C5orf15: variants seen among roughly 807,000 people sequenced by gnomAD.
The protein encoded by C5orf15 is keratinocyte-associated transmembrane protein 2.
Under a neutral mutation model 17.8 loss-of-function variants are expected in C5orf15, and 10 were observed. That is an observed-to-expected ratio of 0.56 (90% CI 0.35 to 0.95). The LOEUF (loss-of-function observed/expected upper bound fraction) is 0.95. Ranked by LOEUF, C5orf15 falls within the 40% of genes least tolerant of loss-of-function variation. C5orf15 has a pLI of 0.02. For synonymous variants in C5orf15, 124 were observed against 131.0 expected, an observed-to-expected ratio of 0.95 and a Z score of 0.36; for missense variants, 319 against 331.7, an observed-to-expected ratio of 0.96 and a Z score of 0.30.
intron 1 of C5orf15, among the ~76,000 whole-genome samples, chr5:133,966,728 T>G (rs188321731): frequency 7.9e-5 from 12 of 152,344 alleles, no homozygotes; most frequent in African/African-American, 2.6e-4. Context: ...TTATAAGGTA[T>G]GCTTACAAAA....
At chr5:133,961,456 C>T (rs905994948) in intron 1 of C5orf15, among the ~76,000 whole-genome samples, 1 of 144,876 alleles carries the variant, frequency 6.9e-6, no homozygotes. Context: ...TGAGGCAGGA[C>T]AATGGCGTGA....
Position 133,960,021 on chromosome 5 carries a change from C to T in C5orf15, c.140-1G>A. The T allele has an allele frequency of 6.3e-7, 1 of 1,579,966 alleles. No individual in the cohort carries two copies. ...CTCGGTGAATCAGTCCGTGATACAA[C>T]TGAAACAAACAAAGAATATCAAACT... is the stretch of plus-strand genomic sequence containing the variant. On this transcript the variant is annotated splice_acceptor_variant, in intron 1 of 2. Coordinates refer to ENST00000231512, the MANE Select transcript of C5orf15 (RefSeq NM_020199.3). LOFTEE classifies it high-confidence loss of function.
chr5:133,963,222 A>G (rs1283063654), intron 1 of C5orf15, among the ~76,000 whole-genome samples: 1 of 152,208 alleles, frequency 6.6e-6, no homozygotes, highest in Non-Finnish European at 1.5e-5. Flanking sequence ...TTTTCCTCTA[A>G]CCACAAACTT....
intron 1 of C5orf15, among the ~76,000 whole-genome samples, chr5:133,968,075 T>C (rs918974296): frequency 1.3e-5 from 2 of 151,552 alleles, no homozygotes; most frequent in African/African-American, 2.4e-5. Context: ...TTCCAGAGTC[T>C]CCTAACTTTC....
In C5orf15 at chr5:133,965,991, A is replaced by G. The variant is rs1440029147; in HGVS notation, c.139+2455T>C. ...TGTAATCCCAGCACTTTGGGAGGCC[A>G]AGGCGGGCGGATCACGAGGTCAGGA... On this transcript the variant is annotated intron_variant, in intron 1 of 2. Transcript: ENST00000231512. Among the ~76,000 whole-genome samples the G allele has an allele frequency of 1.1e-4, 16 of 152,122 alleles. No homozygotes were observed. The East Asian group carries it at 2.9e-3, about 28-fold the overall frequency.
chr5:133,962,694 T>C (rs1164921469), intron 1 of C5orf15, among the ~76,000 whole-genome samples: 1 of 152,210 alleles, frequency 6.6e-6, no homozygotes, highest in Non-Finnish European at 1.5e-5. Context: ...AGAGTCATTA[T>C]TTATTATCAC....
At chr5:133,961,573 TA>T (rs1441071719) in intron 1 of C5orf15, among the ~76,000 whole-genome samples, 2 of 149,766 alleles carry the variant, frequency 1.3e-5, no homozygotes, top group Admixed American at 6.6e-5. Flanking sequence ...ACCAATAAAT[TA>T]GTAAAACTCT....
intron 2 of C5orf15, among the ~76,000 whole-genome samples, chr5:133,958,943 T>C (rs911694517): frequency 6.6e-6 from 1 of 152,008 alleles, no homozygotes; most frequent in Non-Finnish European, 1.5e-5. Context: ...CATTAAGAAA[T>C]AGGACTATTT....
At position 133,959,674 on chromosome 5, in the gene C5orf15, G is replaced by A. The variant is rs758526355; in HGVS notation, c.486C>T (p.Asp162=). 3.2e-5 allele frequency: 52 copies of A among 1,613,222 alleles called. No homozygotes were observed. Among genetic ancestry groups the A allele is most frequent in the East Asian group, 8.9e-5 (4 of 44,890 alleles). ...CTTCCAAGGTGTCATCAGACTCGTC[G>A]TCGTCCCTGGGGCCCGTGGTCCAGT... ...DYDWTTGPRD[D]DESDDTLEEN... is the part of the protein sequence containing the mutation. Residue 162 remains aspartate (D), a synonymous_variant, in exon 2 of 3, where the codon GAC becomes GAT. Coordinates refer to ENST00000231512, the MANE Select transcript of C5orf15 (RefSeq NM_020199.3).
intron 1 of C5orf15, chr5:133,967,565 A>C (rs1309515802): frequency 6.6e-6 from 1 of 152,200 alleles, no homozygotes; most frequent in Non-Finnish European, 1.5e-5. Flanking sequence ...CAGATTTCCT[A>C]ATTTCTCAAT....
chr5:133,959,426 A>G, intron 2 of C5orf15, 68 bp downstream of exon 2: 1 of 709,734 alleles, frequency 1.4e-6, no homozygotes, highest in Non-Finnish European at 2.0e-6. Flanking sequence ...AAAAAAAAAA[A>G]AAGAACCATG....
rs1347455881 is a variant in C5orf15, at chr5:133,968,567, C to T, written c.18G>A (p.Pro6=). 3 of 1,609,466 alleles carry T rather than the reference C, an allele frequency of 1.9e-6. No homozygotes were observed. Among genetic ancestry groups the T allele is most frequent in the Admixed American group, 1.7e-5 (1 of 59,634 alleles). The change falls in exon 1 of 3, where the codon CCG becomes CCA. Residue 6 remains proline, a synonymous_variant. Transcript: ENST00000231512. Reference sequence around the variant, plus strand: ...CTTGTGCTGGCCCCCTCATCCTCTTCGGGACGGCAGCGGCCATAACGGACT... The same window carrying T: ...CTTGTGCTGGCCCCCTCATCCTCTTTGGGACGGCAGCGGCCATAACGGACT... MAAAV[P]KRMRGPAQAK... is the part of the protein sequence containing the mutation.
intron 1 of C5orf15, among the ~76,000 whole-genome samples, chr5:133,968,206 C>T (rs950197808): frequency 2.6e-5 from 4 of 152,134 alleles, no homozygotes; most frequent in African/African-American, 9.7e-5. Flanking sequence ...CTGCTGCCTG[C>T]TCCCTGGGTT....
intron 1 of C5orf15, among the ~76,000 whole-genome samples, chr5:133,962,357 G>T (rs1752137463): frequency 6.6e-6 from 1 of 152,154 alleles, no homozygotes; most frequent in African/African-American, 2.4e-5. Context: ...CTTTCAGCCT[G>T]TTTAAGTAAT....
Position 133,959,719 on chromosome 5 carries a change from AT to A in C5orf15, c.440del (p.Asp147ValfsTer36). On this transcript the variant is annotated frameshift_variant, in exon 2 of 3. Transcript: ENST00000231512. LOFTEE classifies it high-confidence loss of function. ...TCCAGTCATAGTCTGGTTCTCCATA[AT>A]CGCCATTGTCTAGAGTGTCTTTGGC... is the stretch of plus-strand genomic sequence containing the variant. ...STAKDTLDNGDYGEPDYDWTT... is the reference protein window; with the variant it reads ...STAKDTLDNGXYGEPDYDWTT... 2.5e-6 allele frequency: 4 copies of A among 1,613,898 alleles called. No individual in the cohort carries two copies. Among genetic ancestry groups the A allele is most frequent in the Non-Finnish European group, 1.7e-6 (2 of 1,179,896 alleles).
intron 1 of C5orf15, among the ~76,000 whole-genome samples, chr5:133,962,754 C>T (rs1018132237): frequency 1.3e-5 from 2 of 152,162 alleles, no homozygotes; most frequent in African/African-American, 2.4e-5. Flanking sequence ...GGCAAGACCT[C>T]CTATCCTTCC....
intron 1 of C5orf15, among the ~76,000 whole-genome samples, chr5:133,960,790 A>G (rs980115289): frequency 3.9e-5 from 6 of 152,168 alleles, no homozygotes; most frequent in Admixed American, 1.3e-4. Context: ...AAAATTCTTT[A>G]CATAAGAATT....
chr5:133,967,760 C>T (rs1417827501), intron 1 of C5orf15, among the ~76,000 whole-genome samples: 1 of 152,172 alleles, frequency 6.6e-6, no homozygotes, highest in Non-Finnish European at 1.5e-5. Context: ...CTTCAGGGGC[C>T]CAACGCCCCA....
chr5:133,968,327 C>T (rs997338087), intron 1 of C5orf15, 119 bp downstream of exon 1: 3 of 1,391,618 alleles, frequency 2.2e-6, no homozygotes, highest in Non-Finnish European at 2.9e-6. Flanking sequence ...CCTGACCCAA[C>T]CAGACACCGC....
Sources: allele counts gnomAD v4.1 joint callset (sites outside exome capture counted in the v4.1 genomes callset), GRCh38; gene constraint gnomAD v4.1.1; transcripts MANE v1.5; gene names NCBI Gene and HGNC (gene_info 2026-07-23, HGNC 2026-07-21).